Variants in MKLN1 observed in about 807,000 individuals in gnomAD.
MKLN1 encodes the protein muskelin 1, also known as muskelin.
Under a neutral mutation model 99.0 loss-of-function variants are expected in MKLN1, and 18 were observed. That is an observed-to-expected ratio of 0.18 (90% CI 0.13 to 0.27). The LOEUF is 0.27. Among genes scored for constraint, MKLN1 ranks in the 10% least tolerant of loss-of-function variants. The pLI is 1.00. For synonymous variants in MKLN1, 288 were observed against 293.2 expected (o/e 0.98, Z 0.18); for missense variants, 621 against 875.9 (o/e 0.71, Z 3.67).
intron 1 of MKLN1, 166 bp downstream of exon 1, chr7:131,328,163 C>A: frequency 1.1e-6 from 1 of 872,332 alleles, no homozygotes; most frequent in Non-Finnish European, 1.7e-6. Flanking sequence ...GTTGCTCGGC[C>A]TCGCTCGGGA....
Position 131,338,512 on chromosome 7 carries a change from A to G in MKLN1, c.98+10515A>G, listed in dbSNP as rs143591486. ...CCACCTCAAGTCTTAGCTACCTCAG[A>G]AAGTCTGATATTTTAAGAACTTTCT... is the stretch of plus-strand genomic sequence containing the variant. On this transcript the variant is annotated intron_variant, in intron 1 of 17. Transcript: ENST00000352689. 1.4e-4 allele frequency among the ~76,000 whole-genome samples: 22 copies of G among 152,364 alleles called. 1 individual carries two copies. The highest frequency in any genetic ancestry group is 3.4e-3 in the Middle Eastern group (1 of 294).
At chr7:131,143,253 G>A (rs1028419013) in intron 2 of MKLN1, among the ~76,000 whole-genome samples, 3 of 152,096 alleles carry the variant, frequency 2.0e-5, no homozygotes, top group African/African-American at 4.8e-5. Flanking sequence ...CAAATCACGA[G>A]GTCAGGAGTT....
At chr7:131,263,049 C>A (rs911210861) in intron 3 of MKLN1, among the ~76,000 whole-genome samples, 1 of 151,944 alleles carries the variant, frequency 6.6e-6, no homozygotes, top group Non-Finnish European at 1.5e-5. Flanking sequence ...GAAAGTTAGA[C>A]CTAAAGGCTT....
exon 2 of MKLN1, chr7:131,142,901 A>C (rs1057123389): frequency 5.8e-5 from 76 of 1,304,968 alleles, no homozygotes; most frequent in Non-Finnish European, 7.4e-5. Context: ...TATTGGATTC[A>C]TAACCTGCTC....
At chr7:131,263,467 G>C (rs112307594) in intron 3 of MKLN1, among the ~76,000 whole-genome samples, 9,987 of 151,818 alleles carry the variant, frequency 0.066, 442 homozygotes, top group Middle Eastern at 0.12. Context: ...TGAGGCTGCA[G>C]TGACCCATGA....
rs1027917788 is a variant in MKLN1, at chr7:131,184,521, G to A, written c.-296-18336G>A. ...TTCCAAAGCCTTCCATAAATGACTG[G>A]CAGTAATACTTTTTTTTTTTGAGAT... is the stretch of plus-strand genomic sequence containing the variant. On this transcript the variant is annotated intron_variant, in intron 2 of 7. Coordinates refer to the MKLN1 transcript ENST00000416992. 2.0e-5 allele frequency among the ~76,000 whole-genome samples: 3 copies of A among 148,532 alleles called. No homozygotes were observed. The East Asian group carries it at 6.4e-4, about 31-fold the overall frequency.
chr7:131,269,465 C>T (rs879758187), intron 3 of MKLN1, among the ~76,000 whole-genome samples: 1 of 152,162 alleles, frequency 6.6e-6, no homozygotes, highest in Non-Finnish European at 1.5e-5. Flanking sequence ...GGGGGTTCTG[C>T]CCTCATGACC....
At chr7:131,242,479 T>C (rs188020871) in intron 3 of MKLN1, 19 of 232,296 alleles carry the variant, frequency 8.2e-5, no homozygotes, top group Admixed American at 4.2e-4. Flanking sequence ...GAGACTAAAG[T>C]GAGCTGTGAT....
chr7:131,378,172 C>T (rs557337958), intron 2 of MKLN1, among the ~76,000 whole-genome samples: 3 of 152,194 alleles, frequency 2.0e-5, no homozygotes, highest in South Asian at 2.1e-4. Context: ...AGTGCAGTGG[C>T]GTAATCTTGG....
chr7:131,390,922 A>G (rs1386685171), intron 4 of MKLN1, among the ~76,000 whole-genome samples: 1 of 152,136 alleles, frequency 6.6e-6, no homozygotes, highest in African/African-American at 2.4e-5. Flanking sequence ...AGCTTTCCAA[A>G]TAATAGTAGA....
At chr7:131,132,944 A>AAAAG (rs1795577618) in intron 1 of MKLN1, among the ~76,000 whole-genome samples, 1 of 117,058 alleles carries the variant, frequency 8.5e-6, no homozygotes, top group Non-Finnish European at 1.6e-5. Context: ...AAAAAAAAAA[A>AAAAG]AAAAAAGAAA....
intron 1 of MKLN1, among the ~76,000 whole-genome samples, chr7:131,347,642 G>C (rs148456531): frequency 5.1e-4 from 78 of 152,246 alleles, no homozygotes; most frequent in African/African-American, 1.8e-3. Context: ...AGTGAATTTA[G>C]AGGTGAGAGT....
At chr7:131,143,387 AC>A (rs1195400303) in intron 2 of MKLN1, among the ~76,000 whole-genome samples, 1 of 151,602 alleles carries the variant, frequency 6.6e-6, no homozygotes, top group African/African-American at 2.4e-5. Context: ...AATCGCTTGA[AC>A]CCAGGAGGCA....
chr7:131,492,210 T>C lies in MKLN1; in HGVS notation c.*4482T>C, dbSNP rs1797442442. On this transcript the variant is annotated 3_prime_UTR_variant, in exon 18 of 18. Transcript: ENST00000352689. ...CATCAGAATTTCCATTTACCTTTTG[T>C]CTTTTCTTTTTATTGTATTTTTTAA... The C allele has an allele frequency of 6.6e-6, 1 of 152,148 alleles. No homozygotes were observed. The highest frequency in any genetic ancestry group is 6.5e-5 in the Admixed American group (1 of 15,278). 9.4% of individuals were successfully genotyped at this position (152,148 alleles called of 1,614,324 possible).
upstream of MKLN1, among the ~76,000 whole-genome samples, chr7:131,326,506 A>G (rs913297893): frequency 3.3e-5 from 5 of 152,036 alleles, no homozygotes; most frequent in African/African-American, 7.2e-5. Flanking sequence ...CACCACACGC[A>G]GCTAACTTTT....
chr7:131,218,983 C>T (rs978532923), intron 3 of MKLN1, among the ~76,000 whole-genome samples: 1 of 152,116 alleles, frequency 6.6e-6, no homozygotes, highest in African/African-American at 2.4e-5. Flanking sequence ...TGATTACACT[C>T]ATGTGAAGTA....
At chr7:131,315,692 G>A (rs942794786) in intron 3 of MKLN1, among the ~76,000 whole-genome samples, 1 of 152,188 alleles carries the variant, frequency 6.6e-6, no homozygotes, top group East Asian at 1.9e-4. Flanking sequence ...AGTCAACCTG[G>A]GACAATTGAG....
chr7:131,294,985 C>T (rs1038602155), intron 3 of MKLN1, among the ~76,000 whole-genome samples: 1 of 152,084 alleles, frequency 6.6e-6, no homozygotes, highest in African/African-American at 2.4e-5. Context: ...TGTGCCTTCC[C>T]TTCTCTTAAT....
intron 14 of MKLN1, among the ~76,000 whole-genome samples, chr7:131,465,062 C>T (rs1422468563): frequency 1.3e-5 from 2 of 152,022 alleles, no homozygotes; most frequent in Non-Finnish European, 2.9e-5. Context: ...TAAAAGATAA[C>T]ATGGGAGTGA....
Sources: gnomAD v4.1 joint callset for allele counts (sites outside exome capture counted in the v4.1 genomes callset) on GRCh38, gnomAD v4.1.1 for gene constraint, MANE v1.5 for transcripts, NCBI Gene and HGNC (gene_info 2026-07-23, HGNC 2026-07-21) for gene names.